Variants in IMMP2L observed in about 807,000 individuals in gnomAD.
IMMP2L encodes the protein inner mitochondrial membrane peptidase subunit 2.
Under a neutral mutation model 19.3 loss-of-function variants are expected in IMMP2L, and 18 were observed. The observed-to-expected ratio is 0.93, with a 90% confidence interval of 0.64 to 1.38. IMMP2L has a LOEUF of 1.38. IMMP2L is among the 40% of genes most tolerant of loss of function. IMMP2L has a pLI of 0.00. For synonymous variants in IMMP2L, 76 were observed against 73.0 expected (o/e 1.04, Z -0.21); for missense variants, 233 against 218.2 (o/e 1.07, Z -0.43).
intron 4 of IMMP2L, among the ~76,000 whole-genome samples, chr7:110,955,977 G>A (rs1465823799): frequency 1.3e-5 from 2 of 151,516 alleles, no homozygotes; most frequent in Non-Finnish European, 2.9e-5. Context: ...GTTTTACTGG[G>A]GAAAACTCAA....
intron 4 of IMMP2L, among the ~76,000 whole-genome samples, chr7:110,938,714 T>G (rs1422055550): frequency 6.6e-6 from 1 of 152,092 alleles, no homozygotes; most frequent in African/African-American, 2.4e-5. Flanking sequence ...AAAACTGCAC[T>G]TTTACCCCCT....
At chr7:111,014,843 A>T (rs1388687641) in intron 3 of IMMP2L, among the ~76,000 whole-genome samples, 4 of 152,168 alleles carry the variant, frequency 2.6e-5, no homozygotes. Flanking sequence ...CCACAGTGAG[A>T]TATCATCCCA....
chr7:110,853,484 T>C (rs566200220), intron 5 of IMMP2L, among the ~76,000 whole-genome samples: 6 of 152,146 alleles, frequency 3.9e-5, no homozygotes, highest in Non-Finnish European at 8.8e-5. Flanking sequence ...AGGATAGCAG[T>C]GGAAATGGTT....
chr7:111,458,164 A>G (rs1839836003), intron 3 of IMMP2L, among the ~76,000 whole-genome samples: 1 of 152,126 alleles, frequency 6.6e-6, no homozygotes, highest in Admixed American at 6.5e-5. Context: ...GGGTCACTGG[A>G]GGTCAGGAGT....
chr7:111,214,494 C>T (rs1811703595), intron 3 of IMMP2L, among the ~76,000 whole-genome samples: 1 of 142,986 alleles, frequency 7.0e-6, no homozygotes, highest in East Asian at 2.0e-4. Flanking sequence ...AGGCACCTGC[C>T]ACCAAATCTG....
At chr7:110,743,888 C>T (rs565165243) in intron 5 of IMMP2L, among the ~76,000 whole-genome samples, 1 of 152,120 alleles carries the variant, frequency 6.6e-6, no homozygotes, top group East Asian at 1.9e-4. Context: ...CACAGTGGCG[C>T]CTGGAACACC....
At chr7:111,137,896 C>G (rs1802497757) in intron 3 of IMMP2L, among the ~76,000 whole-genome samples, 1 of 152,220 alleles carries the variant, frequency 6.6e-6, no homozygotes, top group African/African-American at 2.4e-5. Flanking sequence ...ATGATCTCAG[C>G]TCCCTGCAAC....
At chr7:111,267,006 T>C (rs914402206) in intron 3 of IMMP2L, among the ~76,000 whole-genome samples, 1 of 152,140 alleles carries the variant, frequency 6.6e-6, no homozygotes, top group Admixed American at 6.6e-5. Flanking sequence ...AGAAAGTTTG[T>C]TTCCCCAAAG....
chr7:110,901,878 T>C (rs1585196823), intron 4 of IMMP2L, among the ~76,000 whole-genome samples: 3 of 152,270 alleles, frequency 2.0e-5, no homozygotes, highest in African/African-American at 7.2e-5. Flanking sequence ...CTGAAGTAGA[T>C]ATAAAGTACA....
intron 1 of IMMP2L, among the ~76,000 whole-genome samples, chr7:111,557,872 CAATG>C (rs1303344906): frequency 6.6e-6 from 1 of 151,008 alleles, no homozygotes; most frequent in East Asian, 1.9e-4. Flanking sequence ...AGGTACGAGT[CAATG>C]AAAGAACAAG....
intron 3 of IMMP2L, among the ~76,000 whole-genome samples, chr7:111,233,524 G>GT (rs1813947294): frequency 6.6e-6 from 1 of 151,870 alleles, no homozygotes; most frequent in Non-Finnish European, 1.5e-5. Context: ...AAAGATAATC[G>GT]TAACACAGAA....
At chr7:110,819,049 T>C (rs955581544) in intron 5 of IMMP2L, among the ~76,000 whole-genome samples, 1 of 151,828 alleles carries the variant, frequency 6.6e-6, no homozygotes, top group South Asian at 2.1e-4. Context: ...ACATGGCACA[T>C]GTATACATAT....
chr7:111,168,946 G>A (rs1806134014), intron 3 of IMMP2L, among the ~76,000 whole-genome samples: 1 of 151,756 alleles, frequency 6.6e-6, no homozygotes, highest in South Asian at 2.1e-4. Flanking sequence ...CAAAAACAAG[G>A]TGTCTTCATG....
intron 3 of IMMP2L, among the ~76,000 whole-genome samples, chr7:111,225,342 CA>C (rs1812965509): frequency 6.6e-6 from 1 of 152,010 alleles, no homozygotes; most frequent in Admixed American, 6.6e-5. Flanking sequence ...TTTTCTGATG[CA>C]GCAGTAGTAA....
intron 5 of IMMP2L, among the ~76,000 whole-genome samples, chr7:110,782,996 A>G (rs1349726991): frequency 1.3e-5 from 2 of 151,910 alleles, no homozygotes; most frequent in Non-Finnish European, 2.9e-5. Context: ...TGGAAGAGGA[A>G]TAAGTAAGGG....
chr7:110,664,580 C>T (rs139883494), intron 5 of IMMP2L, among the ~76,000 whole-genome samples: 155 of 152,166 alleles, frequency 1.0e-3, no homozygotes, highest in Admixed American at 2.6e-3. Flanking sequence ...ACATCAATTT[C>T]GGTGAACAGG....
intron 3 of IMMP2L, among the ~76,000 whole-genome samples, chr7:111,234,130 G>T (rs1311102992): frequency 6.6e-6 from 1 of 151,998 alleles, no homozygotes; most frequent in Non-Finnish European, 1.5e-5. Flanking sequence ...TTTTCATTCA[G>T]TTCAGTTCAG....
At chr7:111,431,896 G>T (rs554299743) in intron 3 of IMMP2L, among the ~76,000 whole-genome samples, 4 of 151,632 alleles carry the variant, frequency 2.6e-5, no homozygotes, top group African/African-American at 9.7e-5. Context: ...TCTATTTTAA[G>T]ATATTTATAC....
chr7:110,943,022 G>A (rs1210276617), intron 4 of IMMP2L, among the ~76,000 whole-genome samples: 1 of 151,962 alleles, frequency 6.6e-6, no homozygotes, highest in Non-Finnish European at 1.5e-5. Flanking sequence ...ACAGATGGAT[G>A]TGATGAATCC....
Sources: gnomAD v4.1 joint callset for allele counts (sites outside exome capture counted in the v4.1 genomes callset) on GRCh38, gnomAD v4.1.1 for gene constraint, MANE v1.5 for transcripts, NCBI Gene and HGNC (gene_info 2026-07-23, HGNC 2026-07-21) for gene names.